The following DOK6 variants were observed in gnomAD, a reference collection of about 807,000 sequenced individuals.
DOK6 encodes docking protein 6.
In DOK6, 22 loss-of-function variants were observed where a neutral mutation model predicts 44.0. That is an observed-to-expected ratio of 0.50 (90% CI 0.36 to 0.71). The LOEUF is 0.71. DOK6 is among the 30% of genes least tolerant of loss of function. The probability of loss-of-function intolerance (pLI) is 0.00; values close to 1 mark genes in which losing one functional copy is unlikely to be tolerated. For missense variants in DOK6, 340 were observed against 416.4 expected (o/e 0.82, Z 1.60); for synonymous variants, 166 against 145.5 (o/e 1.14, Z -1.01).
chr18:69,669,139 G>GGTTCAGGGGAGTGCAT (rs1985733165), intron 3 of DOK6, among the ~76,000 whole-genome samples: 2 of 152,002 alleles, frequency 1.3e-5, no homozygotes, highest in Non-Finnish European at 2.9e-5. Context: ...TTTTATTTTA[G>GGTTCAGGGGAGTGCAT]GTTCAGGGGA....
At chr18:69,561,437 G>A (rs1982829310) in intron 1 of DOK6, among the ~76,000 whole-genome samples, 1 of 152,042 alleles carries the variant, frequency 6.6e-6, no homozygotes, top group Admixed American at 6.6e-5. Flanking sequence ...TTAATTAAAG[G>A]TAGACAAACC....
chr18:69,541,649 T>C (rs561539453), intron 1 of DOK6, among the ~76,000 whole-genome samples: 1 of 151,630 alleles, frequency 6.6e-6, no homozygotes, highest in African/African-American at 2.4e-5. Context: ...CTGTTTGACA[T>C]ACAAAGTTTT....
Position 69,588,564 on chromosome 18 carries a change from T to C in DOK6, c.175-10820T>C, listed in dbSNP as rs556623997. Reference sequence around the variant, plus strand: ...TCACATTAGCCATGTGTGGCTCATATTCCCTTTTCTAAACTAATCACAGGC... The same window carrying C: ...TCACATTAGCCATGTGTGGCTCATACTCCCTTTTCTAAACTAATCACAGGC... On this transcript the variant is annotated intron_variant, in intron 2 of 7. Transcript: ENST00000382713. Among the ~76,000 whole-genome samples, 17 of 152,270 alleles carry C rather than the reference T, an allele frequency of 1.1e-4. 1 individual carries two copies. The South Asian group carries it at 3.3e-3, about 30-fold the overall frequency.
rs115597640 is a variant in DOK6, at chr18:69,535,615, A to C, written c.67-28872A>C. On this transcript the variant is annotated intron_variant, in intron 1 of 7. Transcript: ENST00000382713. ...ATATATATGTGATTCATGTATATAT[A>C]TGATAATGGACATTATCATCATGTT... is the stretch of plus-strand genomic sequence containing the variant. 7.3e-3 allele frequency among the ~76,000 whole-genome samples: 966 copies of C among 131,772 alleles called. 10 individuals carry two copies. Among genetic ancestry groups the C allele is most frequent in the African/African-American group, 0.023 (897 of 38,536 alleles). 86.4% of individuals were successfully genotyped at this position (131,772 alleles called of 152,430 possible). A position where few individuals can be genotyped will look rare whatever the true frequency, so the allele number is the denominator to read the frequency against.
At chr18:69,802,216 C>A (rs1373057092) in intron 7 of DOK6, among the ~76,000 whole-genome samples, 1 of 152,104 alleles carries the variant, frequency 6.6e-6, no homozygotes, top group African/African-American at 2.4e-5. Context: ...TGTTTTTTCT[C>A]CTGGTAAAGA....
In DOK6 at chr18:69,400,892, G is replaced by A. The variant is rs1476708578; in HGVS notation, c.-353G>A. Among the ~76,000 whole-genome samples, 1 of 148,068 alleles carries A rather than the reference G, an allele frequency of 6.8e-6. No individual in the cohort carries two copies. Among genetic ancestry groups the A allele is most frequent in the African/African-American group, 2.4e-5 (1 of 41,030 alleles). ...GGTGGTGCGCTCCGGCCAGCTGTGC[G>A]CCGCCGAGCGAGGCGCCAGCCCGTG... On this transcript the variant is annotated 5_prime_UTR_variant, in exon 1 of 8. Transcript: ENST00000382713.
At chr18:69,765,237 A>G (rs17081599) in intron 7 of DOK6, among the ~76,000 whole-genome samples, 9,739 of 152,248 alleles carry the variant, frequency 0.064, 901 homozygotes, top group African/African-American at 0.2. Context: ...CTGATAGCCA[A>G]TTTTAAAAAA....
intron 7 of DOK6, among the ~76,000 whole-genome samples, chr18:69,828,173 G>A (rs1400049058): frequency 1.3e-5 from 2 of 151,742 alleles, no homozygotes; most frequent in African/African-American, 2.4e-5. Context: ...TTTGAAGATA[G>A]CAATGAAATA....
rs151182347 is a variant in DOK6 at position 69,724,780 on chromosome 18, C to G, written c.600-14185C>G. The G allele has an allele frequency of 1.2e-3, 180 of 152,282 alleles. 1 individual carries two copies. Among genetic ancestry groups the G allele is most frequent in the African/African-American group, 4.2e-3 (176 of 41,546 alleles). The allele number at this position is 152,282 out of a possible 1,614,324, so 9.4% of individuals were successfully genotyped here. A position where few individuals can be genotyped will look rare whatever the true frequency, so the allele number is the denominator to read the frequency against. On this transcript the variant is annotated intron_variant, in intron 5 of 7. Coordinates refer to ENST00000382713, the MANE Select transcript of DOK6 (RefSeq NM_152721.6). ...GCTCAAGAAGCGGGTGTGTGGAGTC[C>G]AGAGAGGATCCAGTTGTTAAAACAC... is the stretch of plus-strand genomic sequence containing the variant.
chr18:69,743,820 T>TA (rs35936116), intron 6 of DOK6, among the ~76,000 whole-genome samples: 43,816 of 93,814 alleles, frequency 0.47, 6,686 homozygotes, highest in South Asian at 0.53. Flanking sequence ...TTCAGTGTAT[T>TA]AAAAAAAAAA....
At chr18:69,505,673 T>A (rs1981165930) in intron 1 of DOK6, among the ~76,000 whole-genome samples, 1 of 151,712 alleles carries the variant, frequency 6.6e-6, no homozygotes, top group African/African-American at 2.4e-5. Flanking sequence ...AATTTTTGTA[T>A]TTTTAGTAGA....
intron 1 of DOK6, among the ~76,000 whole-genome samples, chr18:69,409,877 T>G (rs1978299049): frequency 6.6e-6 from 1 of 152,230 alleles, no homozygotes; most frequent in Admixed American, 6.5e-5. Flanking sequence ...TATTCCTTTT[T>G]GTTTAAACTT....
intron 2 of DOK6, among the ~76,000 whole-genome samples, chr18:69,588,598 T>A (rs2144615189): frequency 6.6e-6 from 1 of 152,112 alleles, no homozygotes; most frequent in Non-Finnish European, 1.5e-5. Context: ...GCAAGGAAAC[T>A]TTACCCTTGG....
intron 3 of DOK6, among the ~76,000 whole-genome samples, chr18:69,646,483 G>C (rs7237950): frequency 0.41 from 62,445 of 151,932 alleles, 13,686 homozygotes; most frequent in Non-Finnish European, 0.48. Flanking sequence ...TTAGTACATT[G>C]ATTTTTATTC....
At chr18:69,833,785 C>T (rs1981967315) in intron 7 of DOK6, among the ~76,000 whole-genome samples, 1 of 152,026 alleles carries the variant, frequency 6.6e-6, no homozygotes, top group Non-Finnish European at 1.5e-5. Context: ...ATACAAGTGG[C>T]AAACAGATAT....
chr18:69,696,788 G>A (rs917048165), intron 4 of DOK6, among the ~76,000 whole-genome samples: 3 of 152,168 alleles, frequency 2.0e-5, no homozygotes, highest in African/African-American at 2.4e-5. Context: ...ATTATGATGG[G>A]AATGTGACTG....
At chr18:69,835,713 T>A (rs1487572283) in intron 7 of DOK6, among the ~76,000 whole-genome samples, 1 of 152,222 alleles carries the variant, frequency 6.6e-6, no homozygotes, top group Non-Finnish European at 1.5e-5. Flanking sequence ...GTTAATGCTT[T>A]GACTCTGGGC....
intron 3 of DOK6, among the ~76,000 whole-genome samples, chr18:69,666,900 G>A (rs541070612): frequency 1.2e-3 from 185 of 152,280 alleles, no homozygotes; most frequent in Non-Finnish European, 2.3e-3. Flanking sequence ...CAGCAATGAG[G>A]AAATAGCTTC....
intron 1 of DOK6, among the ~76,000 whole-genome samples, chr18:69,455,186 G>T (rs763267747): frequency 3.1e-5 from 3 of 97,182 alleles, no homozygotes; most frequent in African/African-American, 1.3e-4. Flanking sequence ...AAAAGAAAAA[G>T]AAAAAAGGAA....
Sources: gnomAD v4.1 joint callset for allele counts (sites outside exome capture counted in the v4.1 genomes callset) on GRCh38, gnomAD v4.1.1 for gene constraint, MANE v1.5 for transcripts, NCBI Gene and HGNC (gene_info 2026-07-23, HGNC 2026-07-21) for gene names.